BABAM2: variants seen among roughly 807,000 people sequenced by gnomAD.
BABAM2 encodes the protein BRISC and BRCA1 A complex member 2, also known as BRISC and BRCA1-A complex member 2.
In BABAM2, 31 loss-of-function variants were observed where a neutral mutation model predicts 54.7. That is an observed-to-expected ratio of 0.57 (90% CI 0.43 to 0.77). The LOEUF is 0.77. Ranked by LOEUF, BABAM2 falls within the 30% of genes least tolerant of loss-of-function variation. The probability of loss-of-function intolerance (pLI) is 0.00; values close to 1 mark genes in which losing one functional copy is unlikely to be tolerated. For synonymous variants in BABAM2, 167 were observed against 162.9 expected (o/e 1.03, Z -0.19); for missense variants, 364 against 455.8 (o/e 0.80, Z 1.83).
At chr2:27,905,817 C>G (rs1666149810) in intron 2 of BABAM2, among the ~76,000 whole-genome samples, 1 of 152,152 alleles carries the variant, frequency 6.6e-6, no homozygotes, top group African/African-American at 2.4e-5. Flanking sequence ...AGCCTTCTTT[C>G]CTTGTTCATT....
intron 6 of BABAM2, among the ~76,000 whole-genome samples, chr2:28,124,515 G>C (rs1308915680): frequency 6.6e-6 from 1 of 152,186 alleles, no homozygotes. Context: ...ACAAGGCCAG[G>C]AGCAGGGAGC....
At chr2:27,924,058 C>T (rs1455760710) in intron 2 of BABAM2, among the ~76,000 whole-genome samples, 2 of 152,200 alleles carry the variant, frequency 1.3e-5, no homozygotes, top group African/African-American at 4.8e-5. Context: ...TACTCTCCTT[C>T]TGAAATCTGT....
At chr2:27,932,777 A>T (rs1031393104) in intron 3 of BABAM2, among the ~76,000 whole-genome samples, 1 of 152,146 alleles carries the variant, frequency 6.6e-6, no homozygotes, top group Non-Finnish European at 1.5e-5. Context: ...TTATGGGTTT[A>T]CTAGGACAGA....
At chr2:28,237,537 C>G (rs1325090353) in intron 8 of BABAM2, among the ~76,000 whole-genome samples, 1 of 152,152 alleles carries the variant, frequency 6.6e-6, no homozygotes, top group Non-Finnish European at 1.5e-5. Context: ...TTATCTTCAT[C>G]TCTTAACTTT....
intron 7 of BABAM2, 131 bp downstream of exon 7, chr2:28,129,511 T>A: frequency 2.4e-6 from 2 of 834,286 alleles, no homozygotes; most frequent in Non-Finnish European, 1.9e-6. Flanking sequence ...AAAAAATTCA[T>A]CATATTAAGA....
intron 3 of BABAM2, among the ~76,000 whole-genome samples, chr2:27,965,019 T>C (rs1270680652): frequency 2.6e-5 from 4 of 152,184 alleles, no homozygotes; most frequent in Non-Finnish European, 5.9e-5. Flanking sequence ...TTATTGGAGA[T>C]GGGGTATGTT....
intron 7 of BABAM2, among the ~76,000 whole-genome samples, chr2:28,179,441 G>A (rs1675380572): frequency 6.6e-6 from 1 of 152,102 alleles, no homozygotes; most frequent in African/African-American, 2.4e-5. Flanking sequence ...GTTCCTTGGT[G>A]ATAAAAATCT....
chr2:27,922,657 G>C (rs1328398369), intron 2 of BABAM2, among the ~76,000 whole-genome samples: 8 of 152,032 alleles, frequency 5.3e-5, no homozygotes, highest in Non-Finnish European at 1.2e-4. Flanking sequence ...TTACAGCATA[G>C]TTTTTATCCA....
chr2:28,160,174 G>A lies in BABAM2; in HGVS notation c.680+30794G>A, dbSNP rs748630853. Among the ~76,000 whole-genome samples, 15 of 152,018 alleles carry A rather than the reference G, an allele frequency of 9.9e-5. 1 individual carries two copies. The highest frequency in any genetic ancestry group is 2.1e-4 in the Non-Finnish European group (14 of 68,018). ...GTATTTTTATTTTTGTAGAGTTGGG[G>A]CCTCACTAAGTTGCTCAGGCCAGTC... On this transcript the variant is annotated intron_variant, in intron 7 of 11. Coordinates refer to ENST00000379624, the MANE Select transcript of BABAM2 (RefSeq NM_199191.3).
chr2:28,237,097 T>C (rs967451078), intron 7 of BABAM2, 105 bp from the exon 8 acceptor site: 50 of 815,758 alleles, frequency 6.1e-5, no homozygotes, highest in Non-Finnish European at 6.9e-5. Context: ...ACCTAGGCAG[T>C]TGGTGGCCAG....
intron 3 of BABAM2, among the ~76,000 whole-genome samples, chr2:27,975,753 G>A (rs1573307231): frequency 0.016 from 1 of 64 alleles, no homozygotes; most frequent in East Asian, 0.5. Context: ...ACTGTTAAGA[G>A]GAAGAGGAGG....
At chr2:27,929,593 G>C (rs1458554884) in intron 2 of BABAM2, among the ~76,000 whole-genome samples, 2 of 152,176 alleles carry the variant, frequency 1.3e-5, no homozygotes, top group African/African-American at 4.8e-5. Flanking sequence ...GCACACTGTT[G>C]ATGTTTGTCG....
intron 4 of BABAM2, among the ~76,000 whole-genome samples, chr2:27,998,404 T>G (rs1673330880): frequency 6.6e-6 from 1 of 151,966 alleles, no homozygotes. Context: ...TATTCACAGT[T>G]TAGTAGATTT....
At chr2:28,317,379 C>T (rs538665423) in intron 11 of BABAM2, among the ~76,000 whole-genome samples, 1 of 152,298 alleles carries the variant, frequency 6.6e-6, no homozygotes, top group South Asian at 2.1e-4. Flanking sequence ...TTAAGAGTGA[C>T]TTTGACCTAT....
At chr2:28,332,314 A>T (rs1006833704) in intron 11 of BABAM2, among the ~76,000 whole-genome samples, 4 of 152,196 alleles carry the variant, frequency 2.6e-5, no homozygotes, top group African/African-American at 9.7e-5. Flanking sequence ...AAAAAAGAGA[A>T]AAAAGAGGTG....
intron 6 of BABAM2, among the ~76,000 whole-genome samples, chr2:28,114,143 T>C (rs1668384816): frequency 6.6e-6 from 1 of 152,220 alleles, no homozygotes; most frequent in Non-Finnish European, 1.5e-5. Flanking sequence ...ACCACTTCTG[T>C]TCAACATAAT....
At chr2:28,204,851 G>GA (rs1678660561) in intron 7 of BABAM2, among the ~76,000 whole-genome samples, 1 of 151,908 alleles carries the variant, frequency 6.6e-6, no homozygotes, top group Admixed American at 6.6e-5. Flanking sequence ...TGGACACATA[G>GA]AAAACAATAC....
chr2:28,300,739 A>G (rs1439626689), intron 11 of BABAM2, among the ~76,000 whole-genome samples: 2 of 152,200 alleles, frequency 1.3e-5, no homozygotes, highest in African/African-American at 2.4e-5. Context: ...GTATAGGAAT[A>G]TCGTAAGTGA....
chr2:27,926,450 T>G (rs1667713522), intron 2 of BABAM2, among the ~76,000 whole-genome samples: 1 of 152,242 alleles, frequency 6.6e-6, no homozygotes, highest in African/African-American at 2.4e-5. Context: ...GGAATGCTCT[T>G]TCCCAGAACT....
Sources: gnomAD v4.1 joint callset for allele counts (sites outside exome capture counted in the v4.1 genomes callset) on GRCh38, gnomAD v4.1.1 for gene constraint, MANE v1.5 for transcripts, NCBI Gene and HGNC (gene_info 2026-07-23, HGNC 2026-07-21) for gene names.